The following PTPRZ1 variants were observed in gnomAD, a reference collection of about 807,000 sequenced individuals.
PTPRZ1 encodes the protein receptor-type tyrosine-protein phosphatase zeta.
A neutral mutation model predicts 214.1 loss-of-function variants in PTPRZ1; 82 were observed. The ratio of observed to expected loss-of-function variants is 0.38; its 90% CI spans 0.32 to 0.46. The LOEUF is 0.46. Among genes scored for constraint, PTPRZ1 ranks in the 20% least tolerant of loss-of-function variants. The pLI, the probability that PTPRZ1 is intolerant of heterozygous loss-of-function variation, is 1.00. For synonymous variants in PTPRZ1, 945 were observed against 987.9 expected (o/e 0.96, Z 0.81); for missense variants, 2,603 against 2,748.7 (o/e 0.95, Z 1.19).
chr7:121,890,427 C>T (rs1916887), intron 1 of PTPRZ1, among the ~76,000 whole-genome samples: 89,217 of 151,982 alleles, frequency 0.59, 27,787 homozygotes, highest in African/African-American at 0.8. Flanking sequence ...TCTCCATCCA[C>T]TGCTACCACC....
At chr7:121,949,826 A>AT (rs929805787) in intron 2 of PTPRZ1, among the ~76,000 whole-genome samples, 3 of 152,008 alleles carry the variant, frequency 2.0e-5, no homozygotes, top group African/African-American at 7.3e-5. Flanking sequence ...TAGAGGAAAT[A>AT]TTTTTTTTCA....
chr7:121,883,714 C>T (rs1794308435), intron 1 of PTPRZ1, among the ~76,000 whole-genome samples: 1 of 152,174 alleles, frequency 6.6e-6, no homozygotes, highest in African/African-American at 2.4e-5. Context: ...GCAACCTCCA[C>T]CTCCTGGGTT....
chr7:121,976,832 C>T lies in PTPRZ1; in HGVS notation c.600C>T (p.Val200=). The change falls in exon 6 of 30, where the codon GTC becomes GTT. Residue 200 remains valine (V), a synonymous_variant. Coordinates refer to ENST00000393386, the MANE Select transcript of PTPRZ1 (RefSeq NM_002851.3). The stretch of plus-strand genomic sequence containing the variant: ...ATTTCAAAGCGATTATTGATGGAGT[C>T]GAAAGTGTTAGTCGTTTTGGTAAGC... ...NLDFKAIIDG[V]ESVSRFGKQA... The T allele has an allele frequency of 4.3e-6, 7 of 1,610,614 alleles. No individual in the cohort carries two copies. The highest frequency in any genetic ancestry group is 5.9e-6 in the Non-Finnish European group (7 of 1,178,246).
intron 1 of PTPRZ1, among the ~76,000 whole-genome samples, chr7:121,875,029 T>A (rs1296882967): frequency 2.2e-5 from 3 of 139,486 alleles, no homozygotes; most frequent in Non-Finnish European, 4.5e-5. Flanking sequence ...CCAGAGCATG[T>A]TGCGGATCTC....
intron 27 of PTPRZ1, among the ~76,000 whole-genome samples, chr7:122,057,645 C>CTTTTTTTTTTTTT (rs5887066): frequency 5.5e-5 from 7 of 128,164 alleles, no homozygotes; most frequent in South Asian, 2.3e-4. Flanking sequence ...CTTTGTGATT[C>CTTTTTTTTTTTTT]TTTTTTTTTT....
At chr7:122,023,266 A>T (rs749899198) in intron 13 of PTPRZ1, among the ~76,000 whole-genome samples, 9 of 151,508 alleles carry the variant, frequency 5.9e-5, no homozygotes, top group Non-Finnish European at 1.2e-4. Context: ...TAGCCAAAAG[A>T]CAGAACAAAT....
At chr7:121,875,968 T>C (rs3801379) in intron 1 of PTPRZ1, among the ~76,000 whole-genome samples, 3 of 152,186 alleles carry the variant, frequency 2.0e-5, no homozygotes, top group African/African-American at 7.2e-5. Context: ...AAACTTGCTG[T>C]ACAGGAGAAG....
Position 122,051,529 on chromosome 7 carries a change from G to T in PTPRZ1, c.6178+8G>T. ...CTTCTTCTATCATCCCTGGTAAGTT[G>T]TGTTGATCCTTGAAAAAACAACTTT... On this transcript the variant is annotated splice_region_variant and intron_variant, in intron 24 of 29. Transcript: ENST00000393386. The T allele has an allele frequency of 6.2e-7, 1 of 1,602,318 alleles. No homozygotes were observed.
At chr7:121,908,359 CTT>C in intron 1 of PTPRZ1, 1 of 230,656 alleles carries the variant, frequency 4.3e-6, no homozygotes. Context: ...AGATCAATCC[CTT>C]TGGAAAAGAA....
At chr7:122,023,673 A>G (rs1367452750) in intron 13 of PTPRZ1, among the ~76,000 whole-genome samples, 1 of 133,008 alleles carries the variant, frequency 7.5e-6, no homozygotes, top group Non-Finnish European at 1.6e-5. Context: ...GTATAATTTT[A>G]TATATAATTT....
At chr7:122,005,250 CATT>C (rs1358335173) in intron 11 of PTPRZ1, among the ~76,000 whole-genome samples, 5 of 151,736 alleles carry the variant, frequency 3.3e-5, no homozygotes, top group African/African-American at 1.2e-4. Flanking sequence ...TAAATTTTAA[CATT>C]ATTTTATTTT....
chr7:122,006,964 C>T (rs1798508069), intron 11 of PTPRZ1, among the ~76,000 whole-genome samples: 1 of 152,010 alleles, frequency 6.6e-6, no homozygotes, highest in Non-Finnish European at 1.5e-5. Context: ...ACAGCAGATG[C>T]TGTGGCCTCT....
chr7:121,961,442 A>G (rs1257553578), intron 2 of PTPRZ1, among the ~76,000 whole-genome samples: 1 of 152,208 alleles, frequency 6.6e-6, no homozygotes, highest in Non-Finnish European at 1.5e-5. Context: ...AATTCTGTCC[A>G]TCCTTCAAGG....
rs761091315 is a variant in PTPRZ1, at chr7:122,028,203, C to T, written c.4989-349C>T. On this transcript the variant is annotated intron_variant, in intron 13 of 29. Coordinates refer to ENST00000393386, the MANE Select transcript of PTPRZ1 (RefSeq NM_002851.3). Reference sequence around the variant, plus strand: ...TCTGGCTCTATCCAAGATGGCAGGACATTTTGGGTATTATAGCCACAGTGG... The same window carrying T: ...TCTGGCTCTATCCAAGATGGCAGGATATTTTGGGTATTATAGCCACAGTGG... 1.3e-4 allele frequency: 21 copies of T among 167,982 alleles called. No individual in the cohort carries two copies. The East Asian group carries it at 2.6e-3, about 21-fold the overall frequency. The allele number at this position is 167,982 out of a possible 1,614,324, so 10.4% of individuals were successfully genotyped here. A position where few individuals can be genotyped will look rare whatever the true frequency, so the allele number is the denominator to read the frequency against.
chr7:122,057,418 A>G (rs1584785199), intron 27 of PTPRZ1, among the ~76,000 whole-genome samples: 1 of 151,794 alleles, frequency 6.6e-6, no homozygotes, highest in Admixed American at 6.6e-5. Context: ...TGTTTTATAC[A>G]TATTATTTTT....
rs761783174 is a variant in PTPRZ1, at chr7:122,011,157, C to T, written c.2111C>T (p.Ser704Leu). The change falls in exon 12 of 30, where the codon TCA becomes TTA. Residue 704 changes from serine (S) to leucine (L), a missense_variant. Around this residue, in one of 6 missense-constraint regions of PTPRZ1, gnomAD observed 1,913 missense variants for 1,914.3 expected, o/e 1.00. Transcript: ENST00000393386. ...GGCCCAGTGATGTCACAGGGTCCCTCAGTTACAGATCTGGAAATGCCACAT... is the reference window on the plus strand; with the variant it reads ...GGCCCAGTGATGTCACAGGGTCCCTTAGTTACAGATCTGGAAATGCCACAT... ...SAGPVMSQGPSVTDLEMPHYS... is the reference protein window; with the variant it reads ...SAGPVMSQGPLVTDLEMPHYS... 33 of 1,613,996 alleles carry T rather than the reference C, an allele frequency of 2.0e-5. No homozygotes were observed. The highest frequency in any genetic ancestry group is 2.5e-5 in the Non-Finnish European group (30 of 1,179,990).
At chr7:121,988,298 C>A (rs992449804) in intron 8 of PTPRZ1, among the ~76,000 whole-genome samples, 9 of 152,082 alleles carry the variant, frequency 5.9e-5, no homozygotes, top group East Asian at 3.9e-4. Flanking sequence ...GACTAATATG[C>A]ACATTTATGA....
intron 1 of PTPRZ1, among the ~76,000 whole-genome samples, chr7:121,889,964 C>A (rs774315504): frequency 1.3e-5 from 2 of 152,136 alleles, no homozygotes. Context: ...ACATTGTACT[C>A]CACTGTCTTC....
intron 1 of PTPRZ1, among the ~76,000 whole-genome samples, chr7:121,914,717 A>C (rs1795368700): frequency 6.6e-6 from 1 of 152,206 alleles, no homozygotes; most frequent in Non-Finnish European, 1.5e-5. Context: ...AAGTAACAAC[A>C]TAATGGGATT....
Sources: gnomAD v4.1 joint callset for allele counts (sites outside exome capture counted in the v4.1 genomes callset) on GRCh38, gnomAD v4.1.1 for gene constraint, gnomAD v4.1.1 regional missense constraint, MANE v1.5 for transcripts, NCBI Gene and HGNC (gene_info 2026-07-23, HGNC 2026-07-21) for gene names.